REV3L: variants seen among roughly 807,000 people sequenced by gnomAD.
The protein encoded by REV3L is DNA polymerase zeta catalytic subunit.
Under a neutral mutation model 299.4 loss-of-function variants are expected in REV3L, and 69 were observed. The observed-to-expected ratio is 0.23, with a 90% CI of 0.19 to 0.28. REV3L has a LOEUF of 0.28. REV3L is among the 10% of genes least tolerant of loss of function. The pLI, the probability that REV3L is intolerant of heterozygous loss-of-function variation, is 1.00. For synonymous variants in REV3L, 1,238 were observed against 1,271.4 expected, an observed-to-expected ratio of 0.97 and a Z score of 0.56; for missense variants, 3,128 against 3,693.8, an observed-to-expected ratio of 0.85 and a Z score of 3.97.
intron 1 of REV3L, among the ~76,000 whole-genome samples, chr6:111,477,720 A>T (rs1013134569): frequency 6.6e-6 from 1 of 152,218 alleles, no homozygotes; most frequent in Non-Finnish European, 1.5e-5. Context: ...AGTTCTGTCC[A>T]TATCCTGAAT....
intron 10 of REV3L, among the ~76,000 whole-genome samples, chr6:111,380,485 T>C (rs536315432): frequency 6.6e-6 from 1 of 152,226 alleles, no homozygotes; most frequent in South Asian, 2.1e-4. Context: ...GGTCTCGATC[T>C]CCTGACCTCG....
Position 111,328,926 on chromosome 6 carries a change from C to T in REV3L, c.8241+606G>A, listed in dbSNP as rs17511342. 5.0e-3 allele frequency among the ~76,000 whole-genome samples: 756 copies of T among 152,146 alleles called. 3 individuals carry two copies. The highest frequency in any genetic ancestry group is 0.017 in the African/African-American group (708 of 41,514). ...GACCACAGGCACATAACACTATGCC[C>T]GGCTAGTTTTTGCATTTTTGGTTAG... On this transcript the variant is annotated intron_variant, in intron 25 of 31. Coordinates refer to ENST00000368802, the MANE Select transcript of REV3L (RefSeq NM_001372078.1).
chr6:111,482,967 C>G lies in REV3L; in HGVS notation c.-79G>C. On this transcript the variant is annotated 5_prime_UTR_variant, in exon 1 of 32. Transcript: ENST00000368802. ...GCAGCGGCGGCGGCTCCCTCCGCAG[C>G]GGCGGCGGCGCCCCCTCCCCTTCTC... 4.3e-6 allele frequency: 6 copies of G among 1,410,370 alleles called. No individual in the cohort carries two copies. Among genetic ancestry groups the G allele is most frequent in the South Asian group, 1.6e-5 (1 of 63,294 alleles). 87.4% of individuals were successfully genotyped at this position (1,410,370 alleles called of 1,614,324 possible). A position where few individuals can be genotyped will look rare whatever the true frequency, so the allele number is the denominator to read the frequency against.
chr6:111,369,164 G>T (rs975532955), intron 13 of REV3L, among the ~76,000 whole-genome samples: 1 of 151,606 alleles, frequency 6.6e-6, no homozygotes, highest in African/African-American at 2.4e-5. Flanking sequence ...AATAAAAAAT[G>T]GTGAGGTGTC....
intron 1 of REV3L, among the ~76,000 whole-genome samples, chr6:111,463,771 T>TA (rs1791079524): frequency 1.3e-5 from 2 of 152,206 alleles, no homozygotes; most frequent in African/African-American, 4.8e-5. Context: ...TGATTTCACT[T>TA]AAAGTCACAA....
At chr6:111,483,539 T>G, upstream of REV3L, 1 of 499,482 alleles carries the variant, frequency 2.0e-6, no homozygotes, top group African/African-American at 2.0e-5. Flanking sequence ...GGGGCGCCAG[T>G]GTTCGGGGCC....
intron 18 of REV3L, among the ~76,000 whole-genome samples, chr6:111,352,863 G>C (rs1011537931): frequency 6.6e-6 from 1 of 152,100 alleles, no homozygotes; most frequent in Non-Finnish European, 1.5e-5. Flanking sequence ...GAACCTCCAT[G>C]TTGTGACCAC....
chr6:111,315,459 T>C lies in REV3L; in HGVS notation c.8352-78A>G. On this transcript the variant is annotated intron_variant, in intron 26 of 31. Coordinates refer to ENST00000368802, the MANE Select transcript of REV3L (RefSeq NM_001372078.1). The stretch of plus-strand genomic sequence containing the variant: ...TTTTATCAAGAGTAACTTTCCTGGC[T>C]ATGACTCTTGTCTAATGCCAAAGAA... 5 of 1,080,126 alleles carry C rather than the reference T, an allele frequency of 4.6e-6. No individual in the cohort carries two copies. In the South Asian group the frequency reaches 6.9e-5, roughly 15 times the overall value. 66.9% of individuals were successfully genotyped at this position (1,080,126 alleles called of 1,614,324 possible).
chr6:111,375,592 G>A lies in REV3L; in HGVS notation c.2763C>T (p.Ala921=). The change falls in exon 13 of 32, where the codon GCC becomes GCT. Residue 921 remains alanine (A), a synonymous_variant. Transcript: ENST00000368802. ...GLYGNKYTLR[A]KRKVNYETED... ...CAGTCTCATAATTTACCTTGCGTTT[G>A]GCTCTAAGTGTGTATTTATTTCCAT... 1 of 1,613,660 alleles carries A rather than the reference G, an allele frequency of 6.2e-7. No individual in the cohort carries two copies. The highest frequency in any genetic ancestry group is 8.5e-7 in the Non-Finnish European group (1 of 1,179,878).
At chr6:111,377,893 T>C (rs370852160) in intron 11 of REV3L, 50 bp from the exon 12 acceptor site, 140 of 1,497,848 alleles carry the variant, frequency 9.3e-5, no homozygotes, top group Non-Finnish European at 1.2e-4. Flanking sequence ...GTAAAGACCA[T>C]CTCAGATGCA....
intron 7 of REV3L, 125 bp from the exon 8 acceptor site, chr6:111,388,210 C>A (rs1781536521): frequency 1.6e-6 from 1 of 632,700 alleles, no homozygotes. Context: ...CATAATACAA[C>A]CTAACTGTAG....
intron 29 of REV3L, 150 bp from the exon 30 acceptor site, chr6:111,310,249 T>C (rs1360404010): frequency 7.9e-6 from 8 of 1,009,000 alleles, no homozygotes; most frequent in South Asian, 5.5e-5. Context: ...TTGAGAATAA[T>C]ATATATACAT....
intron 31 of REV3L, among the ~76,000 whole-genome samples, chr6:111,303,824 A>G (rs1771948400): frequency 1.4e-5 from 2 of 141,932 alleles, no homozygotes; most frequent in African/African-American, 2.7e-5. Context: ...GGTTCAAGTG[A>G]TTTTCCTGCC....
intron 22 of REV3L, among the ~76,000 whole-genome samples, chr6:111,335,178 G>T (rs1775782312): frequency 6.6e-6 from 1 of 152,010 alleles, no homozygotes; most frequent in Non-Finnish European, 1.5e-5. Flanking sequence ...CAAAAGAAAG[G>T]TACTTTCTTT....
At chr6:111,351,514 A>G (rs1777565688) in intron 19 of REV3L, among the ~76,000 whole-genome samples, 162 bp downstream of exon 19, 1 of 152,176 alleles carries the variant, frequency 6.6e-6, no homozygotes, top group Non-Finnish European at 1.5e-5. Flanking sequence ...TTTTTATTTT[A>G]TTTTTAATTT....
chr6:111,352,169 G>A (rs1777638462), intron 18 of REV3L, among the ~76,000 whole-genome samples: 1 of 151,968 alleles, frequency 6.6e-6, no homozygotes, highest in South Asian at 2.1e-4. Context: ...ACCACGCCCG[G>A]CTAATTTTTT....
At chr6:111,455,334 A>C (rs1036548497) in intron 1 of REV3L, among the ~76,000 whole-genome samples, 5 of 152,196 alleles carry the variant, frequency 3.3e-5, no homozygotes, top group Admixed American at 2.0e-4. Context: ...CAGCCAAGGT[A>C]CCTGCTTTCA....
At chr6:111,450,766 T>C (rs1789440926) in intron 1 of REV3L, among the ~76,000 whole-genome samples, 1 of 152,192 alleles carries the variant, frequency 6.6e-6, no homozygotes, top group South Asian at 2.1e-4. Flanking sequence ...TTGTTTTACA[T>C]TTTTGTAAAT....
chr6:111,303,689 AAC>A (rs1771908613), intron 31 of REV3L, among the ~76,000 whole-genome samples: 2 of 15,542 alleles, frequency 1.3e-4, no homozygotes, highest in Non-Finnish European at 1.8e-4. Flanking sequence ...TTTTTTTTTT[AAC>A]AGACTATGAC....
Sources: allele counts gnomAD v4.1 joint callset (sites outside exome capture counted in the v4.1 genomes callset), GRCh38; gene constraint gnomAD v4.1.1; transcripts MANE v1.5; gene names NCBI Gene and HGNC (gene_info 2026-07-23, HGNC 2026-07-21).